MLLT10: variants seen among roughly 807,000 people sequenced by gnomAD.
MLLT10 encodes the protein MLLT10 histone lysine methyltransferase DOT1L cofactor.
MLLT10 carries 30 observed loss-of-function variants against 129.1 expected under a neutral mutation model. That is an observed-to-expected ratio of 0.23 (90% CI 0.17 to 0.32). MLLT10 has a LOEUF of 0.32. Ranked by LOEUF, MLLT10 falls within the 10% of genes least tolerant of loss-of-function variation. MLLT10 has a pLI of 1.00. For missense variants in MLLT10, 1,119 were observed against 1,268.3 expected (o/e 0.88, Z 1.79); for synonymous variants, 490 against 446.4 (o/e 1.10, Z -1.23).
At chr10:21,709,563 C>A (rs1311029627) in intron 13 of MLLT10, among the ~76,000 whole-genome samples, 1 of 152,188 alleles carries the variant, frequency 6.6e-6, no homozygotes, top group East Asian at 1.9e-4. Context: ...ACTCTGAAAA[C>A]ACTGAATTCA....
intron 8 of MLLT10, chr10:21,624,858 C>T (rs748244712): frequency 1.3e-4 from 148 of 1,113,856 alleles, no homozygotes; most frequent in Non-Finnish European, 1.8e-4. Flanking sequence ...AGGACCCCCT[C>T]TGCCACCCCT....
intron 16 of MLLT10, 146 bp from the exon 17 acceptor site, chr10:21,730,754 T>C: frequency 1.4e-6 from 1 of 715,420 alleles, no homozygotes; most frequent in Non-Finnish European, 2.3e-6. Flanking sequence ...ATTATGGTTT[T>C]CTAAATCCAG....
At chr10:21,548,276 C>T (rs903452780) in intron 3 of MLLT10, among the ~76,000 whole-genome samples, 1 of 151,962 alleles carries the variant, frequency 6.6e-6, no homozygotes, top group Non-Finnish European at 1.5e-5. Flanking sequence ...CTGTAACCTT[C>T]TCATTAACTT....
At chr10:21,541,320 A>G (rs958516577) in intron 3 of MLLT10, 6 of 151,962 alleles carry the variant, frequency 3.9e-5, no homozygotes, top group African/African-American at 1.5e-4. Context: ...TGAGCTCAAG[A>G]GATCCTCCTG....
At position 21,651,679 on chromosome 10, in the gene MLLT10, A is replaced by G; in HGVS notation, c.706A>G (p.Lys236Glu). The G allele has an allele frequency of 1.9e-6, 3 of 1,611,694 alleles. No homozygotes were observed. Among genetic ancestry groups the G allele is most frequent in the Non-Finnish European group, 2.5e-6 (3 of 1,178,442 alleles). The change falls in exon 9 of 23, where the codon AAA becomes GAA. Residue 236 changes from lysine to glutamate, a missense_variant. Around this residue, in one of 5 missense-constraint regions of MLLT10, gnomAD observed 1,004 missense variants for 1,008.7 expected, o/e 1.00. Transcript: ENST00000307729. Reference protein sequence around the residue: ...KHHEKEKKKYKEKDKHKQKHK... With the variant: ...KHHEKEKKKYEEKDKHKQKHK... ...TACTTATATTCGTTTTTAGAAATAT[A>G]AAGAGAAGGACAAACACAAACAGAA... is the stretch of plus-strand genomic sequence containing the variant.
chr10:21,668,955 C>T, intron 9 of MLLT10: 1 of 1,332,026 alleles, frequency 7.5e-7, no homozygotes, highest in Non-Finnish European at 9.8e-7. Flanking sequence ...TGGAGAACCT[C>T]AGGATCAACT....
At chr10:21,684,538 C>T in intron 13 of MLLT10, among the ~76,000 whole-genome samples, 1 of 152,070 alleles carries the variant, frequency 6.6e-6, no homozygotes, top group Non-Finnish European at 1.5e-5. Context: ...ATCAGTTTAA[C>T]TTCTTTTTCT....
chr10:21,557,028 A>C, intron 3 of MLLT10: 1 of 1,451,542 alleles, frequency 6.9e-7, no homozygotes, highest in Non-Finnish European at 9.0e-7. Flanking sequence ...ACTAGTCTTC[A>C]GTCTATCCTG....
intron 8 of MLLT10, among the ~76,000 whole-genome samples, chr10:21,639,934 A>C (rs2047819972): frequency 6.6e-6 from 1 of 151,912 alleles, no homozygotes; most frequent in Non-Finnish European, 1.5e-5. Flanking sequence ...GAAAGGTCCG[A>C]AAGAGAGAGA....
At chr10:21,569,454 G>A (rs1007951281) in intron 3 of MLLT10, among the ~76,000 whole-genome samples, 1 of 146,038 alleles carries the variant, frequency 6.8e-6, no homozygotes. Context: ...ATGGAATCTC[G>A]CTCTCGCCCA....
chr10:21,624,021 C>T (rs941514459), intron 8 of MLLT10, among the ~76,000 whole-genome samples: 14 of 151,816 alleles, frequency 9.2e-5, no homozygotes, highest in African/African-American at 2.2e-4. Context: ...TGGCTTTTGA[C>T]GTTTAAGCCA....
intron 3 of MLLT10, among the ~76,000 whole-genome samples, chr10:21,564,853 TTGGTGAGTGG>T: frequency 6.6e-6 from 1 of 152,126 alleles, no homozygotes; most frequent in Non-Finnish European, 1.5e-5. Context: ...TATTCCACTC[TTGGTGAGTGG>T]AATGTTCTGT....
intron 5 of MLLT10, among the ~76,000 whole-genome samples, chr10:21,608,925 T>A (rs1564500423): frequency 6.6e-6 from 1 of 152,232 alleles, no homozygotes; most frequent in Non-Finnish European, 1.5e-5. Context: ...CTTTATTTTT[T>A]AATTTTTTTG....
chr10:21,602,340 T>C (rs2043619491), intron 5 of MLLT10, among the ~76,000 whole-genome samples: 1 of 151,640 alleles, frequency 6.6e-6, no homozygotes, highest in African/African-American at 2.4e-5. Context: ...TCCCCCGTTA[T>C]AGGTCAAATT....
At chr10:21,667,596 G>C (rs2050952526) in intron 9 of MLLT10, among the ~76,000 whole-genome samples, 2 of 151,002 alleles carry the variant, frequency 1.3e-5, no homozygotes, top group African/African-American at 4.9e-5. Context: ...AGGTTGGCTT[G>C]GTACAAAGTT....
At chr10:21,673,318 C>CAAGT in intron 10 of MLLT10, 32 bp from the exon 11 acceptor site, 1 of 307,342 alleles carries the variant, frequency 3.3e-6, no homozygotes, top group Non-Finnish European at 5.0e-6. Flanking sequence ...CACCCCCCAA[C>CAAGT]TTTTTTTTTT....
intron 5 of MLLT10, among the ~76,000 whole-genome samples, chr10:21,603,651 A>G (rs777296117): frequency 6.6e-6 from 1 of 152,138 alleles, no homozygotes; most frequent in East Asian, 1.9e-4. Flanking sequence ...GTAACAAAAT[A>G]TCACAAACTG....
intron 8 of MLLT10, among the ~76,000 whole-genome samples, chr10:21,650,972 G>C (rs908902473): frequency 2.0e-5 from 3 of 152,174 alleles, no homozygotes; most frequent in African/African-American, 7.2e-5. Context: ...GTACTGTTCA[G>C]ATGTGAAGTG....
chr10:21,687,764 C>T (rs188477367), intron 13 of MLLT10, among the ~76,000 whole-genome samples: 3 of 151,658 alleles, frequency 2.0e-5, no homozygotes, highest in East Asian at 1.9e-4. Context: ...GGCACCTGAC[C>T]GTTAGTAAAC....
Sources: gnomAD v4.1 joint callset for allele counts (sites outside exome capture counted in the v4.1 genomes callset) on GRCh38, gnomAD v4.1.1 for gene constraint, gnomAD v4.1.1 regional missense constraint, MANE v1.5 for transcripts, NCBI Gene and HGNC (gene_info 2026-07-23, HGNC 2026-07-21) for gene names.